Variants in CCDC92B observed in about 807,000 individuals in gnomAD.
CCDC92B encodes coiled-coil domain-containing 92B.
A neutral mutation model predicts 5.6 loss-of-function variants in CCDC92B; 2 were observed. The observed-to-expected ratio is 0.36, with a 90% confidence interval of 0.15 to 1.12. CCDC92B has a LOEUF of 1.12. Ranked by LOEUF, CCDC92B falls within the 50% of genes most tolerant of loss-of-function variation. The pLI is 0.40. For synonymous variants in CCDC92B, 115 were observed against 122.3 expected, an observed-to-expected ratio of 0.94 and a Z score of 0.39; for missense variants, 271 against 262.2, an observed-to-expected ratio of 1.03 and a Z score of -0.23.
Position 2,723,489 on chromosome 17 carries a change from C to G in CCDC92B, c.*922G>C, listed in dbSNP as rs762829611. On this transcript the variant is annotated 3_prime_UTR_variant, in exon 4 of 4. Transcript: ENST00000614400. ...TACAGGAGTGAGCCACCGCGCCCAG[C>G]CAAGGCTCTCTTCTTCTTGTCTCTG... is the stretch of plus-strand genomic sequence containing the variant. 3 of 150,472 alleles carry G rather than the reference C, an allele frequency of 2.0e-5. No homozygotes were observed. Among genetic ancestry groups the G allele is most frequent in the Non-Finnish European group, 4.4e-5 (3 of 68,104 alleles). 9.3% of individuals were successfully genotyped at this position (150,472 alleles called of 1,614,324 possible).
In CCDC92B at chr17:2,735,299, C is replaced by T. The variant is rs1161518276; in HGVS notation, c.-23-131G>A. ...AAGATGATTCTGCCACTGCTGTCAC[C>T]TCCACACTATTCCTTCATTCAGGCT... On this transcript the variant is annotated intron_variant, in intron 1 of 3. Transcript: ENST00000614400. 3 of 442,774 alleles carry T rather than the reference C, an allele frequency of 6.8e-6. No homozygotes were observed. The East Asian group carries it at 4.7e-4, about 69-fold the overall frequency. 27.4% of individuals were successfully genotyped at this position (442,774 alleles called of 1,614,324 possible).
chr17:2,738,257 C>T (rs2070877407), intron 1 of CCDC92B, among the ~76,000 whole-genome samples: 1 of 151,960 alleles, frequency 6.6e-6, no homozygotes, highest in Admixed American at 6.6e-5. Flanking sequence ...AGGCTGGTGT[C>T]CACCTCCTGG....
At chr17:2,746,956 G>A (rs1265163702) in intron 1 of CCDC92B, among the ~76,000 whole-genome samples, 1 of 152,188 alleles carries the variant, frequency 6.6e-6, no homozygotes, top group Non-Finnish European at 1.5e-5. Context: ...ACAGATGTGA[G>A]CCACAGCGCC....
At chr17:2,727,594 G>A (rs1415627695) in intron 3 of CCDC92B, among the ~76,000 whole-genome samples, 1 of 152,196 alleles carries the variant, frequency 6.6e-6, no homozygotes, top group Non-Finnish European at 1.5e-5. Flanking sequence ...GGGAGGCCAA[G>A]GTGGGCGGAT....
At chr17:2,731,855 C>T (rs954453327) in intron 2 of CCDC92B, among the ~76,000 whole-genome samples, 6 of 152,204 alleles carry the variant, frequency 3.9e-5, no homozygotes, top group Admixed American at 6.5e-5. Flanking sequence ...ACCTTGGCTC[C>T]GCCATTAACT....
At chr17:2,729,348 C>A (rs2070769559) in intron 3 of CCDC92B, among the ~76,000 whole-genome samples, 1 of 151,956 alleles carries the variant, frequency 6.6e-6, no homozygotes, top group Non-Finnish European at 1.5e-5. Context: ...AAAAAATTAG[C>A]CGGTGGATGG....
At position 2,721,659 on chromosome 17, in the gene CCDC92B, G is replaced by A. The variant is rs1175731044; in HGVS notation, c.*2752C>T. Reference sequence around the variant, plus strand: ...CATTATTTCCAGGAGGGCGAGGAGGGGAATTTCTGTGAAAACTGGAACCCT... The same window carrying A: ...CATTATTTCCAGGAGGGCGAGGAGGAGAATTTCTGTGAAAACTGGAACCCT... On this transcript the variant is annotated 3_prime_UTR_variant, in exon 4 of 4. Coordinates refer to ENST00000614400, the MANE Select transcript of CCDC92B (RefSeq NM_001355573.2). 1.3e-5 allele frequency: 2 copies of A among 152,198 alleles called. No individual in the cohort carries two copies. Among genetic ancestry groups the A allele is most frequent in the Non-Finnish European group, 2.9e-5 (2 of 68,076 alleles). The allele number at this position is 152,198 out of a possible 1,614,324, so 9.4% of individuals were successfully genotyped here.
intron 2 of CCDC92B, among the ~76,000 whole-genome samples, chr17:2,732,968 A>C (rs571141660): frequency 6.6e-6 from 1 of 150,894 alleles, no homozygotes. Flanking sequence ...AGCCGAGATC[A>C]CGCCACTGCA....
chr17:2,741,314 G>A (rs2070923975), intron 1 of CCDC92B, among the ~76,000 whole-genome samples: 1 of 152,052 alleles, frequency 6.6e-6, no homozygotes. Flanking sequence ...GAGGTGAAAG[G>A]TACTGAAGGA....
At position 2,722,113 on chromosome 17, in the gene CCDC92B, C is replaced by T. The variant is rs1431257751; in HGVS notation, c.*2298G>A. 6.6e-6 allele frequency: 1 copy of T among 152,152 alleles called. No homozygotes were observed. Among genetic ancestry groups the T allele is most frequent in the East Asian group, 1.9e-4 (1 of 5,190 alleles). The allele number at this position is 152,152 out of a possible 1,614,324, so 9.4% of individuals were successfully genotyped here. On this transcript the variant is annotated 3_prime_UTR_variant, in exon 4 of 4. Coordinates refer to ENST00000614400, the MANE Select transcript of CCDC92B (RefSeq NM_001355573.2). ...ACCTAACAAAGTCACCCTGTTCACC[C>T]CAAAAGTGTGGTCGTGGGAGATGAG...
chr17:2,744,963 G>T (rs1036711734), intron 1 of CCDC92B, among the ~76,000 whole-genome samples: 5 of 150,780 alleles, frequency 3.3e-5, no homozygotes, highest in African/African-American at 1.2e-4. Flanking sequence ...CAGCGTGGAG[G>T]CTGAGGTGGG....
Position 2,724,392 on chromosome 17 carries a change from AC to A in CCDC92B, c.*18del, listed in dbSNP as rs1465257618. On this transcript the variant is annotated 3_prime_UTR_variant, in exon 4 of 4. Transcript: ENST00000614400. The surrounding 1 kb of genome is among the most constrained non-coding windows in gnomAD (Gnocchi z 5.0). Reference sequence around the variant, plus strand: ...CGGCCCTCCCCGTCCGTCCCGCGTCACCCCGGCCAGCCTGGCGCCTACTCCG... The same window carrying A: ...CGGCCCTCCCCGTCCGTCCCGCGTCACCCGGCCAGCCTGGCGCCTACTCCG... The A allele has an allele frequency of 1.0e-6, 1 of 984,020 alleles. No homozygotes were observed. Among genetic ancestry groups the A allele is most frequent in the Non-Finnish European group, 1.2e-6 (1 of 829,568 alleles). 61.0% of individuals were successfully genotyped at this position (984,020 alleles called of 1,614,324 possible).
At position 2,727,384 on chromosome 17, in the gene CCDC92B, G is replaced by A. The variant is rs574490922; in HGVS notation, c.179-2384C>T. Among the ~76,000 whole-genome samples the A allele has an allele frequency of 4.6e-5, 7 of 152,270 alleles. No homozygotes were observed. The South Asian group carries it at 1.4e-3, about 32-fold the overall frequency. On this transcript the variant is annotated intron_variant, in intron 3 of 3. Transcript: ENST00000614400. ...TTAAATCTTCCCCGGTGGTTCTCAC[G>A]TGCAGCGTGAGTTGAGGACCCCTGC...
chr17:2,743,119 G>A (rs1044250191), intron 1 of CCDC92B, among the ~76,000 whole-genome samples: 3 of 152,106 alleles, frequency 2.0e-5, no homozygotes, highest in Admixed American at 1.3e-4. Flanking sequence ...CCATGCAGGA[G>A]CCAGAATTCC....
intron 2 of CCDC92B, among the ~76,000 whole-genome samples, chr17:2,732,815 C>G (rs1021352120): frequency 1.1e-4 from 17 of 151,826 alleles, no homozygotes; most frequent in Admixed American, 1.1e-3. Flanking sequence ...AGATCGAGAC[C>G]ATCCTGGCTA....
At chr17:2,729,842 A>C (rs2070774213) in intron 3 of CCDC92B, among the ~76,000 whole-genome samples, 1 of 152,208 alleles carries the variant, frequency 6.6e-6, no homozygotes, top group African/African-American at 2.4e-5. Context: ...GAATTTCTAC[A>C]ATGGCAAGAA....
At chr17:2,731,108 GC>G (rs2070790889) in intron 2 of CCDC92B, among the ~76,000 whole-genome samples, 1 of 152,202 alleles carries the variant, frequency 6.6e-6, no homozygotes, top group Non-Finnish European at 1.5e-5. Flanking sequence ...AGGGAGAAGG[GC>G]TTCGAGCAGG....
At chr17:2,734,146 C>T (rs1369655175) in intron 2 of CCDC92B, among the ~76,000 whole-genome samples, 2 of 152,130 alleles carry the variant, frequency 1.3e-5, no homozygotes, top group African/African-American at 2.4e-5. Context: ...TCCCACCTTT[C>T]GACCTTTGCC....
chr17:2,749,191 G>T (rs1443907024), intron 1 of CCDC92B, among the ~76,000 whole-genome samples: 1 of 152,084 alleles, frequency 6.6e-6, no homozygotes, highest in Non-Finnish European at 1.5e-5. Flanking sequence ...CTCGACCTCG[G>T]GCCGCTCTGG....
Sources: allele counts gnomAD v4.1 joint callset (sites outside exome capture counted in the v4.1 genomes callset), GRCh38; gene constraint gnomAD v4.1.1; non-coding constraint Gnocchi (gnomAD v3.1); transcripts MANE v1.5; gene names NCBI Gene and HGNC (gene_info 2026-07-23, HGNC 2026-07-21).